The following ISY1 variants were observed in gnomAD, a reference collection of about 807,000 sequenced individuals.
ISY1 encodes ISY1 spliceosome associated protein, also known as pre-mRNA-splicing factor ISY1 homolog.
ISY1 carries 12 observed loss-of-function variants against 54.4 expected under a neutral mutation model. The observed-to-expected ratio is 0.22, with a 90% CI of 0.14 to 0.36. The LOEUF (loss-of-function observed/expected upper bound fraction) is 0.36. Among genes scored for constraint, ISY1 ranks in the 10% least tolerant of loss-of-function variants. ISY1 has a pLI of 1.00. For synonymous variants in ISY1, 96 were observed against 117.9 expected (o/e 0.81, Z 1.20); for missense variants, 282 against 342.2 (o/e 0.82, Z 1.39).
At chr3:129,138,297 G>A (rs1379069015) in intron 7 of ISY1, among the ~76,000 whole-genome samples, 1 of 147,380 alleles carries the variant, frequency 6.8e-6, no homozygotes, top group East Asian at 2.1e-4. Flanking sequence ...AAAAGAGCTC[G>A]AGACCACCCT....
intron 6 of ISY1, 130 bp downstream of exon 6, chr3:129,145,631 T>C: frequency 1.2e-6 from 1 of 815,438 alleles, no homozygotes; most frequent in Admixed American, 2.8e-5. Flanking sequence ...TGTGAGGTCT[T>C]CCAGCATCAT....
Position 129,134,926 on chromosome 3 carries a change from A to T in ISY1, c.447T>A (p.Ala149=). ...EPLPPPRKTR[A]ELMKAIDFEY... ...CAAAATCGATTGCCTTCATGAGCTC[A>T]GCACGTGTCTTTCTGGGAGGAGGAA... is the stretch of plus-strand genomic sequence containing the variant. Residue 149 remains alanine, a synonymous_variant, in exon 8 of 11, where the codon GCT becomes GCA. Transcript: ENST00000393295. 1 of 1,610,400 alleles carries T rather than the reference A, an allele frequency of 6.2e-7. No homozygotes were observed. The highest frequency in any genetic ancestry group is 8.5e-7 in the Non-Finnish European group (1 of 1,177,568).
At chr3:129,149,557 G>A (rs1156344524) in intron 5 of ISY1, among the ~76,000 whole-genome samples, 1 of 120,588 alleles carries the variant, frequency 8.3e-6, no homozygotes, top group Non-Finnish European at 1.6e-5. Flanking sequence ...GACCATCCTG[G>A]CTAACACAGT....
chr3:129,159,337 C>A (rs2107622686), intron 1 of ISY1, among the ~76,000 whole-genome samples, 161 bp from the exon 2 acceptor site: 1 of 152,266 alleles, frequency 6.6e-6, no homozygotes, highest in South Asian at 2.1e-4. Context: ...ATGTCCAAAT[C>A]CTGTGACCAA....
chr3:129,154,513 T>C (rs900896234), intron 5 of ISY1, among the ~76,000 whole-genome samples: 3 of 151,588 alleles, frequency 2.0e-5, no homozygotes, highest in African/African-American at 7.3e-5. Flanking sequence ...TGTAAGGAAT[T>C]GACCTATTTC....
intron 7 of ISY1, among the ~76,000 whole-genome samples, chr3:129,135,749 G>C (rs1299479333): frequency 6.7e-6 from 1 of 150,000 alleles, no homozygotes; most frequent in Non-Finnish European, 1.5e-5. Flanking sequence ...CTGGGCGACA[G>C]AGCGAGACTC....
intron 7 of ISY1, 50 bp from the exon 8 acceptor site, chr3:129,135,004 A>C: frequency 6.4e-7 from 1 of 1,559,268 alleles, no homozygotes. Context: ...ATCACACTCC[A>C]GCGAAGCTGT....
At position 129,128,529 on chromosome 3, in the gene ISY1, C is replaced by G. The variant is rs1473333949; in HGVS notation, c.*1552G>C. 6.5e-6 allele frequency: 1 copy of G among 152,674 alleles called. No homozygotes were observed. The highest frequency in any genetic ancestry group is 1.5e-5 in the Non-Finnish European group (1 of 68,332). 9.5% of individuals were successfully genotyped at this position (152,674 alleles called of 1,614,324 possible). ...AAGTCCCTTAGCCACTAGCTCCCGA[C>G]TCCCTCACTCAGACCTTTTCCACAG... On this transcript the variant is annotated 3_prime_UTR_variant, in exon 11 of 11. Coordinates refer to ENST00000393295, the MANE Select transcript of ISY1 (RefSeq NM_020701.4).
Position 129,156,659 on chromosome 3 carries a change from G to C in ISY1, c.161C>G (p.Ser54Cys), listed in dbSNP as rs761272066. ...ATTCTGAATCTGAGCCACTTTTTTA[G>C]AGATCTCTCCAATGATCTATTAAAA... The part of the protein sequence containing the change: ...KWRRQIIGEI[S>C]KKVAQIQNAG... Residue 54 changes from serine (S) to cysteine (C), a missense_variant, in exon 5 of 11, where the codon TCT (serine) becomes TGT (cysteine). Coordinates refer to ENST00000393295, the MANE Select transcript of ISY1 (RefSeq NM_020701.4). The C allele has an allele frequency of 3.7e-6, 6 of 1,611,448 alleles. No individual in the cohort carries two copies. Among genetic ancestry groups the C allele is most frequent in the Non-Finnish European group, 5.1e-6 (6 of 1,179,004 alleles).
intron 5 of ISY1, among the ~76,000 whole-genome samples, chr3:129,146,656 T>C (rs1305101417): frequency 6.6e-6 from 1 of 151,964 alleles, no homozygotes; most frequent in African/African-American, 2.4e-5. Flanking sequence ...CATGTGGAGG[T>C]GGTGGCTTTC....
rs1936195136 is a variant in ISY1 at position 129,130,090 on chromosome 3, C to A, written c.849G>T (p.Leu283=). 2.5e-6 allele frequency: 4 copies of A among 1,603,688 alleles called. No individual in the cohort carries two copies. In the African/African-American group the frequency reaches 5.4e-5, roughly 22 times the overall value. ...GAGCCCCAGCTGGGTCCTAATACCC[C>A]AGGAGCCTTCTGGCTTCTTCACTTT... ...QAQSEEARRL[L]GY Residue 283 remains leucine, a synonymous_variant, in exon 11 of 11, where the codon CTG becomes CTT. Coordinates refer to ENST00000393295, the MANE Select transcript of ISY1 (RefSeq NM_020701.4).
intron 4 of ISY1, 21 bp from the exon 5 acceptor site, chr3:129,156,696 AT>A: frequency 6.3e-7 from 1 of 1,585,368 alleles, no homozygotes; most frequent in Non-Finnish European, 8.6e-7. Flanking sequence ...AAAGTAATAC[AT>A]TTTAATAATT....
chr3:129,149,675 G>T (rs1342695080), intron 5 of ISY1, among the ~76,000 whole-genome samples: 1 of 126,498 alleles, frequency 7.9e-6, no homozygotes, highest in East Asian at 2.4e-4. Context: ...GCACACACTT[G>T]TAGTCCCAGC....
intron 1 of ISY1, among the ~76,000 whole-genome samples, chr3:129,160,255 C>CCAT (rs1937264250): frequency 6.6e-6 from 1 of 152,050 alleles, no homozygotes; most frequent in Non-Finnish European, 1.5e-5. Context: ...CTAACCATGA[C>CCAT]GCCCAGTGTT....
intron 6 of ISY1, 138 bp from the exon 7 acceptor site, chr3:129,140,623 T>C: frequency 1.1e-6 from 1 of 909,344 alleles, no homozygotes. Flanking sequence ...TTGCCCAGGC[T>C]GGAGTGCAGT....
intron 6 of ISY1, 128 bp downstream of exon 6, chr3:129,145,633 C>T: frequency 6.0e-6 from 5 of 835,460 alleles, no homozygotes; most frequent in South Asian, 1.8e-5. Flanking sequence ...TGAGGTCTTC[C>T]AGCATCATCC....
At chr3:129,156,291 C>T (rs1273884420) in intron 5 of ISY1, among the ~76,000 whole-genome samples, 1 of 148,478 alleles carries the variant, frequency 6.7e-6, no homozygotes, top group African/African-American at 2.5e-5. Context: ...CCCAGCTATT[C>T]GGGAGGCTGA....
chr3:129,144,715 T>C (rs905214365), intron 6 of ISY1, among the ~76,000 whole-genome samples: 1 of 149,842 alleles, frequency 6.7e-6, no homozygotes, highest in African/African-American at 2.5e-5. Flanking sequence ...GGCTTGTGAT[T>C]GTGTGTGTGT....
chr3:129,151,443 A>T (rs1936967455), intron 5 of ISY1, among the ~76,000 whole-genome samples: 1 of 151,748 alleles, frequency 6.6e-6, no homozygotes, highest in Non-Finnish European at 1.5e-5. Context: ...AGGCTGGCCA[A>T]CATGGCGAAA....
Sources: gnomAD v4.1 joint callset for allele counts (sites outside exome capture counted in the v4.1 genomes callset) on GRCh38, gnomAD v4.1.1 for gene constraint, MANE v1.5 for transcripts, NCBI Gene and HGNC (gene_info 2026-07-23, HGNC 2026-07-21) for gene names.